Variants in ITGA1 observed in about 807,000 individuals in gnomAD.
ITGA1 encodes integrin subunit alpha 1.
In ITGA1, 85 loss-of-function variants were observed where a neutral mutation model predicts 145.9. The ratio of observed to expected loss-of-function variants is 0.58; its 90% CI spans 0.49 to 0.70. The LOEUF (loss-of-function observed/expected upper bound fraction) is 0.70. Among genes scored for constraint, ITGA1 ranks in the 30% least tolerant of loss-of-function variants. ITGA1 has a pLI of 0.00. For synonymous variants in ITGA1, 520 were observed against 495.3 expected, an observed-to-expected ratio of 1.05 and a Z score of -0.66; for missense variants, 1,351 against 1,418.7, an observed-to-expected ratio of 0.95 and a Z score of 0.77.
intron 26 of ITGA1, among the ~76,000 whole-genome samples, chr5:52,942,306 T>G (rs969998307): frequency 6.6e-6 from 1 of 152,224 alleles, no homozygotes; most frequent in African/African-American, 2.4e-5. Context: ...TTTCTAATTC[T>G]GTGAAAAATG....
intron 1 of ITGA1, among the ~76,000 whole-genome samples, chr5:52,806,194 T>G (rs1295963570): frequency 6.9e-6 from 1 of 144,166 alleles, no homozygotes; most frequent in East Asian, 2.0e-4. Context: ...TCTCATGAAT[T>G]GAATTGATTT....
rs576999365 is a variant in ITGA1, at chr5:52,911,034, T to C, written c.1857+615T>C. On this transcript the variant is annotated intron_variant, in intron 14 of 28. Coordinates refer to ENST00000282588, the MANE Select transcript of ITGA1 (RefSeq NM_181501.2). ...TATATACTATATATAGTATGTATAC[T>C]GTATATACTATATATACTATACATA... 7.6e-3 allele frequency among the ~76,000 whole-genome samples: 49 copies of C among 6,410 alleles called. 1 individual carries two copies. The South Asian group carries it at 0.12, about 16-fold the overall frequency. 4.2% of individuals were successfully genotyped at this position (6,410 alleles called of 152,430 possible). A position where few individuals can be genotyped will look rare whatever the true frequency, so the allele number is the denominator to read the frequency against.
intron 9 of ITGA1, among the ~76,000 whole-genome samples, chr5:52,896,331 A>G (rs970405484): frequency 6.6e-6 from 1 of 152,204 alleles, no homozygotes; most frequent in African/African-American, 2.4e-5. Context: ...TTGATCTTGC[A>G]GATAAGTGAG....
intron 14 of ITGA1, among the ~76,000 whole-genome samples, chr5:52,911,269 ATG>A (rs1235253807): frequency 1.5e-5 from 2 of 135,898 alleles, no homozygotes; most frequent in African/African-American, 2.7e-5. Context: ...TATATAGTAT[ATG>A]TAGTGTATAT....
At chr5:52,940,235 C>T (rs1462213890) in intron 26 of ITGA1, among the ~76,000 whole-genome samples, 1 of 152,116 alleles carries the variant, frequency 6.6e-6, no homozygotes, top group African/African-American at 2.4e-5. Flanking sequence ...AGTACCAAAG[C>T]TTGCACTTAT....
At chr5:52,800,273 C>T (rs1748439568) in intron 1 of ITGA1, 1 of 987,020 alleles carries the variant, frequency 1.0e-6, no homozygotes, top group Non-Finnish European at 1.5e-6. Flanking sequence ...TCCCGCCAGG[C>T]AAGTGCCCTT....
intron 3 of ITGA1, among the ~76,000 whole-genome samples, chr5:52,862,808 A>G (rs1749627058): frequency 6.6e-6 from 1 of 152,202 alleles, no homozygotes; most frequent in African/African-American, 2.4e-5. Flanking sequence ...ATTACATACT[A>G]TGGAAATTAT....
At chr5:52,930,892 G>C (rs1328917811) in intron 21 of ITGA1, among the ~76,000 whole-genome samples, 2 of 152,134 alleles carry the variant, frequency 1.3e-5, no homozygotes, top group African/African-American at 4.8e-5. Flanking sequence ...AGCCAGTAAA[G>C]TTTTTGAGAG....
intron 3 of ITGA1, chr5:52,864,166 G>A (rs1749649059): frequency 6.6e-6 from 1 of 152,030 alleles, no homozygotes; most frequent in East Asian, 1.9e-4. Flanking sequence ...TTGTTAGGCT[G>A]GCATGCTTCA....
In ITGA1 at chr5:52,955,804, T is replaced by G. The variant is rs995715141; in HGVS notation, c.*3353T>G. 2 of 152,162 alleles carry G rather than the reference T, an allele frequency of 1.3e-5. No individual in the cohort carries two copies. Among genetic ancestry groups the G allele is most frequent in the African/African-American group, 4.8e-5 (2 of 41,434 alleles). 9.4% of individuals were successfully genotyped at this position (152,162 alleles called of 1,614,324 possible). On this transcript the variant is annotated 3_prime_UTR_variant, in exon 29 of 29. Coordinates refer to ENST00000282588, the MANE Select transcript of ITGA1 (RefSeq NM_181501.2). Reference sequence around the variant, plus strand: ...AAACTATTTTCCTCTGAGCACTAGATTCATGGGCAATTTAATCTCTGAATA... The same window carrying G: ...AAACTATTTTCCTCTGAGCACTAGAGTCATGGGCAATTTAATCTCTGAATA...
At chr5:52,825,863 A>G (rs894526832) in intron 1 of ITGA1, among the ~76,000 whole-genome samples, 2 of 151,720 alleles carry the variant, frequency 1.3e-5, no homozygotes, top group South Asian at 4.2e-4. Context: ...GGTTGCAGTC[A>G]GCTGAGATCA....
Position 52,788,114 on chromosome 5 carries a change from G to T in ITGA1, c.-240G>T, listed in dbSNP as rs957890998. 2 of 428,054 alleles carry T rather than the reference G, an allele frequency of 4.7e-6. No homozygotes were observed. Among genetic ancestry groups the T allele is most frequent in the Admixed American group, 4.5e-5 (1 of 22,302 alleles). The allele number at this position is 428,054 out of a possible 1,614,324, so 26.5% of individuals were successfully genotyped here. On this transcript the variant is annotated 5_prime_UTR_variant, in exon 1 of 29. Coordinates refer to ENST00000282588, the MANE Select transcript of ITGA1 (RefSeq NM_181501.2). ...CAGTGAGATTTCAGAGACCAAGAGC[G>T]CGAAGGGGCGGGCGATGTGGCAATC...
At chr5:52,855,276 A>G (rs576654117) in intron 2 of ITGA1, among the ~76,000 whole-genome samples, 1 of 152,162 alleles carries the variant, frequency 6.6e-6, no homozygotes, top group Non-Finnish European at 1.5e-5. Flanking sequence ...ACCTGGAGAA[A>G]TGCCTCTGGT....
rs543498627 is a variant in ITGA1, at chr5:52,889,391, C to T, written c.924+1426C>T. Among the ~76,000 whole-genome samples, 22 of 152,250 alleles carry T rather than the reference C, an allele frequency of 1.4e-4. No homozygotes were observed. The South Asian group carries it at 1.7e-3, about 11-fold the overall frequency. On this transcript the variant is annotated intron_variant, in intron 8 of 28. Transcript: ENST00000282588. ...TGCTGGGATTACAGGCGTGAGCCAC[C>T]GTGCCCAGCCCACTATGCATTTAAT... is the stretch of plus-strand genomic sequence containing the variant.
intron 6 of ITGA1, among the ~76,000 whole-genome samples, chr5:52,872,203 T>C (rs1234621805): frequency 6.6e-6 from 1 of 152,170 alleles, no homozygotes; most frequent in Non-Finnish European, 1.5e-5. Flanking sequence ...TTTATGGCCA[T>C]TTCCCTAGAA....
intron 6 of ITGA1, among the ~76,000 whole-genome samples, chr5:52,868,653 T>C (rs1367286838): frequency 6.6e-6 from 1 of 152,094 alleles, no homozygotes; most frequent in Non-Finnish European, 1.5e-5. Flanking sequence ...TACCAGTGAA[T>C]GGGAGGAAAA....
intron 1 of ITGA1, among the ~76,000 whole-genome samples, chr5:52,840,044 T>A (rs10063089): frequency 0.012 from 1,882 of 152,254 alleles, 42 homozygotes; most frequent in African/African-American, 0.044. Flanking sequence ...GTAGGTAAAT[T>A]AAAAATAATT....
chr5:52,947,463 T>C lies in ITGA1; in HGVS notation c.3495+2T>C, dbSNP rs781206593. 1.3e-6 allele frequency: 2 copies of C among 1,587,302 alleles called. No individual in the cohort carries two copies. The highest frequency in any genetic ancestry group is 2.7e-5 in the African/African-American group (2 of 74,332). ...CTGCTCATTTTAGCACTGTGGAAGGTAAACACCAAAATTCCTTTGACTCTC... is the reference window on the plus strand; with the variant it reads ...CTGCTCATTTTAGCACTGTGGAAGGCAAACACCAAAATTCCTTTGACTCTC... On this transcript the variant is annotated splice_donor_variant, in intron 28 of 28. Transcript: ENST00000282588. LOFTEE classifies it high-confidence loss of function.
intron 6 of ITGA1, among the ~76,000 whole-genome samples, chr5:52,878,042 C>T (rs77005493): frequency 0.16 from 24,687 of 152,100 alleles, 2,088 homozygotes; most frequent in South Asian, 0.23. Flanking sequence ...GAATCCAGGC[C>T]TCAGCTTGAT....
Sources: allele counts gnomAD v4.1 joint callset (sites outside exome capture counted in the v4.1 genomes callset), GRCh38; gene constraint gnomAD v4.1.1; transcripts MANE v1.5; gene names NCBI Gene and HGNC (gene_info 2026-07-23, HGNC 2026-07-21).